ZNF827: variants seen among roughly 807,000 people sequenced by gnomAD.
ZNF827 encodes zinc finger protein 827.
Under a neutral mutation model 102.4 loss-of-function variants are expected in ZNF827, and 13 were observed. The observed-to-expected ratio is 0.13, with a 90% CI of 0.08 to 0.20. The LOEUF is 0.20. Among genes scored for constraint, ZNF827 ranks in the 10% least tolerant of loss-of-function variants. The pLI is 1.00. For missense variants in ZNF827, 1,103 were observed against 1,344.4 expected (o/e 0.82, Z 2.81); for synonymous variants, 523 against 536.2 (o/e 0.98, Z 0.34).
chr4:145,791,928 A>G (rs1451163400), intron 8 of ZNF827, among the ~76,000 whole-genome samples: 4 of 152,242 alleles, frequency 2.6e-5, no homozygotes, highest in African/African-American at 9.6e-5. Context: ...AGGATGCCCA[A>G]CTAGGAAGCG....
At chr4:145,796,722 C>T (rs556606011) in intron 8 of ZNF827, among the ~76,000 whole-genome samples, 4 of 151,524 alleles carry the variant, frequency 2.6e-5, no homozygotes, top group South Asian at 2.1e-4. Flanking sequence ...CTCTGCCTCC[C>T]GGGTGCAAGC....
chr4:145,816,707 A>G lies in ZNF827; in HGVS notation c.2383+6715T>C, dbSNP rs182371627. On this transcript the variant is annotated intron_variant, in intron 8 of 14. Transcript: ENST00000508784. The stretch of plus-strand genomic sequence containing the variant: ...AACATTGTCTGGATCAAGAAAATCC[A>G]TAACTACGAAACTTTCTCCCTCTAG... 3.9e-5 allele frequency among the ~76,000 whole-genome samples: 6 copies of G among 152,362 alleles called. No individual in the cohort carries two copies. The East Asian group carries it at 1.2e-3, about 29-fold the overall frequency.
chr4:145,882,911 G>C (rs1749793472), intron 4 of ZNF827, among the ~76,000 whole-genome samples: 2 of 152,272 alleles, frequency 1.3e-5, no homozygotes, highest in South Asian at 4.2e-4. Context: ...CACTACATTT[G>C]ATGATGGGAA....
chr4:145,768,930 T>A, intron 11 of ZNF827, among the ~76,000 whole-genome samples: 1 of 97,986 alleles, frequency 1.0e-5, no homozygotes, highest in African/African-American at 3.8e-5. Context: ...GTATACAAAG[T>A]TTGGAAATAG....
rs374546381 is a variant in ZNF827, at chr4:145,775,861, G to A, written c.2621C>T (p.Thr874Ile). ...LTVHSVKLVS[T>I]DTEDIVSAVT... ...GGCGCTGACAATGTCCTCGGTGTCTGTACTCACCAGCTTCACGGAATGGAC... is the reference window on the plus strand; with the variant it reads ...GGCGCTGACAATGTCCTCGGTGTCTATACTCACCAGCTTCACGGAATGGAC... Residue 874 changes from threonine to isoleucine, a missense_variant, in exon 10 of 15, where the codon ACA becomes ATA. This residue lies in a region of ZNF827 where 242 missense variants were observed against 361.9 expected (regional missense o/e 0.67). Coordinates refer to ENST00000508784, the MANE Select transcript of ZNF827 (RefSeq NM_001306215.2). The A allele has an allele frequency of 1.2e-6, 2 of 1,614,060 alleles. No individual in the cohort carries two copies. The highest frequency in any genetic ancestry group is 1.3e-5 in the African/African-American group (1 of 74,898).
chr4:145,791,664 G>C (rs1037429677), intron 8 of ZNF827, among the ~76,000 whole-genome samples: 1 of 151,980 alleles, frequency 6.6e-6, no homozygotes, highest in Non-Finnish European at 1.5e-5. Context: ...AGAAAACTTT[G>C]GATTTAGGTA....
chr4:145,868,424 G>C (rs1748398636), intron 5 of ZNF827, among the ~76,000 whole-genome samples: 1 of 152,168 alleles, frequency 6.6e-6, no homozygotes, highest in Non-Finnish European at 1.5e-5. Flanking sequence ...ACATCACGAA[G>C]CAGGGGCAGA....
At chr4:145,857,889 A>C (rs1253243004) in intron 5 of ZNF827, among the ~76,000 whole-genome samples, 9 of 152,194 alleles carry the variant, frequency 5.9e-5, no homozygotes. Flanking sequence ...ATCTCATTTA[A>C]AAAAAATTAA....
At position 145,758,073 on chromosome 4, in the gene ZNF827, G is replaced by A. The variant is rs993552049; in HGVS notation, c.*3543C>T. On this transcript the variant is annotated 3_prime_UTR_variant, in exon 15 of 15. Transcript: ENST00000508784. ...TCAGGGGTACATATTTTCTAGGGTG[G>A]AGTCTGAAAAATGCTGTAGATTTTT... The A allele has an allele frequency of 3.3e-5, 5 of 152,072 alleles. No individual in the cohort carries two copies. Among genetic ancestry groups the A allele is most frequent in the East Asian group, 1.9e-4 (1 of 5,202 alleles). 9.4% of individuals were successfully genotyped at this position (152,072 alleles called of 1,614,324 possible).
Position 145,870,335 on chromosome 4 carries a change from C to A in ZNF827, c.1891G>T (p.Asp631Tyr). ...SEVSAPGVSEDALKPQEGKGS... is the reference protein window; with the variant it reads ...SEVSAPGVSEYALKPQEGKGS... ...TTCCCTTCCTGGGGCTTTAGTGCGT[C>A]CTCAGAGACGCCTGGGGCTGACACT... The change falls in exon 5 of 15, where the codon GAC (aspartate) becomes TAC (tyrosine). Residue 631 changes from aspartate to tyrosine, a missense_variant. Physicochemically the swap from Asp to Tyr is radical, Grantham distance 160. Transcript: ENST00000508784. 1.2e-6 allele frequency: 2 copies of A among 1,614,136 alleles called. No individual in the cohort carries two copies. The highest frequency in any genetic ancestry group is 1.3e-5 in the African/African-American group (1 of 75,032).
chr4:145,863,739 G>A (rs1486459901), intron 5 of ZNF827, among the ~76,000 whole-genome samples: 1 of 151,824 alleles, frequency 6.6e-6, no homozygotes, highest in South Asian at 2.1e-4. Context: ...GAGGTGGTGG[G>A]GATAGAGAGT....
chr4:145,855,558 GATAAAGGCA>G (rs150777278), intron 5 of ZNF827, among the ~76,000 whole-genome samples: 1,566 of 149,482 alleles, frequency 0.01, 26 homozygotes, highest in African/African-American at 0.037. Flanking sequence ...GCTGGCATCT[GATAAAGGCA>G]AGATGCCTGC....
In ZNF827 at chr4:145,870,409, A is replaced by T; in HGVS notation, c.1817T>A (p.Leu606Gln). The change falls in exon 5 of 15, where the codon CTA becomes CAA. Residue 606 changes from leucine (L) to glutamine (Q), a missense_variant. Leu to Gln is a moderately radical substitution (Grantham distance 113). Around this residue, in one of 5 missense-constraint regions of ZNF827, gnomAD observed 243 missense variants for 251.6 expected, o/e 0.97. Transcript: ENST00000508784. The part of the protein sequence containing the change: ...VKEEPKEGES[L>Q]STTLPRSSYV... ...GCTGGACCGAGGCAAAGTCGTGCTT[A>T]GGGACTCCCCTTCCTTAGGCTCCTC... 3 of 1,614,120 alleles carry T rather than the reference A, an allele frequency of 1.9e-6. No individual in the cohort carries two copies. Among genetic ancestry groups the T allele is most frequent in the Non-Finnish European group, 2.5e-6 (3 of 1,180,012 alleles).
chr4:145,784,392 C>T (rs1041495292), intron 8 of ZNF827, among the ~76,000 whole-genome samples: 12 of 152,172 alleles, frequency 7.9e-5, no homozygotes, highest in African/African-American at 2.7e-4. Flanking sequence ...TAACTGAAGG[C>T]TCCTCCTATG....
At chr4:145,883,232 T>C (rs1442374701) in intron 4 of ZNF827, among the ~76,000 whole-genome samples, 1 of 152,226 alleles carries the variant, frequency 6.6e-6, no homozygotes, top group Non-Finnish European at 1.5e-5. Flanking sequence ...AACAGGTTGC[T>C]AGGTAACAGT....
chr4:145,787,910 A>G (rs1490319693), intron 8 of ZNF827, among the ~76,000 whole-genome samples: 1 of 152,110 alleles, frequency 6.6e-6, no homozygotes, highest in African/African-American at 2.4e-5. Flanking sequence ...CAGTAATTAA[A>G]TCTCCATCCT....
intron 7 of ZNF827, among the ~76,000 whole-genome samples, chr4:145,828,631 A>T (rs1271148215): frequency 6.6e-6 from 1 of 152,132 alleles, no homozygotes; most frequent in Non-Finnish European, 1.5e-5. Flanking sequence ...CAATCTTATA[A>T]AACTTTTATC....
At chr4:145,871,809 A>G (rs1748709605) in intron 4 of ZNF827, among the ~76,000 whole-genome samples, 1 of 152,194 alleles carries the variant, frequency 6.6e-6, no homozygotes, top group African/African-American at 2.4e-5. Context: ...ACAAGTTCAC[A>G]CAGACCAGCA....
At chr4:145,869,628 T>A (rs114824508) in intron 5 of ZNF827, among the ~76,000 whole-genome samples, 141 of 152,296 alleles carry the variant, frequency 9.3e-4, no homozygotes, top group African/African-American at 3.0e-3. Flanking sequence ...ATCCAAACTA[T>A]ATGAATTTCA....
Sources: allele counts gnomAD v4.1 joint callset (sites outside exome capture counted in the v4.1 genomes callset), GRCh38; gene constraint gnomAD v4.1.1; regional missense constraint gnomAD v4.1.1; transcripts MANE v1.5; gene names NCBI Gene and HGNC (gene_info 2026-07-23, HGNC 2026-07-21).